STX8: variants seen among roughly 807,000 people sequenced by gnomAD.
STX8 encodes the protein syntaxin 8, also known as syntaxin-8.
Under a neutral mutation model 37.5 loss-of-function variants are expected in STX8, and 23 were observed. The ratio of observed to expected loss-of-function variants is 0.61; its 90% CI spans 0.44 to 0.87. STX8 has a LOEUF of 0.87. Among genes scored for constraint, STX8 ranks in the 40% least tolerant of loss-of-function variants. STX8 has a pLI of 0.00. For synonymous variants in STX8, 115 were observed against 99.1 expected, an observed-to-expected ratio of 1.16 and a Z score of -0.95; for missense variants, 313 against 284.7, an observed-to-expected ratio of 1.10 and a Z score of -0.71.
chr17:9,451,306 T>C (rs2142402509), intron 6 of STX8, among the ~76,000 whole-genome samples: 1 of 152,300 alleles, frequency 6.6e-6, no homozygotes, highest in South Asian at 2.1e-4. Context: ...TTTCGTCTCA[T>C]CTTTCCATGT....
chr17:9,351,227 G>T lies in STX8; in HGVS notation c.643+27325C>A, dbSNP rs996694926. On this transcript the variant is annotated intron_variant, in intron 7 of 7. Coordinates refer to ENST00000306357, the MANE Select transcript of STX8 (RefSeq NM_004853.3). ...GACGGAGTCTCACACTGTCACCCAG[G>T]CTGGATTGCAATCTCTGCCTCCCAG... 2.8e-5 allele frequency among the ~76,000 whole-genome samples: 4 copies of T among 140,994 alleles called. No individual in the cohort carries two copies. In the Admixed American group the frequency reaches 3.0e-4, roughly 11 times the overall value. The allele number at this position is 140,994 out of a possible 152,430, so 92.5% of individuals were successfully genotyped here.
intron 7 of STX8, among the ~76,000 whole-genome samples, chr17:9,374,677 G>C (rs1386473006): frequency 6.6e-6 from 1 of 152,114 alleles, no homozygotes; most frequent in Non-Finnish European, 1.5e-5. Context: ...TTACTTGGTT[G>C]TTGATCCATA....
chr17:9,392,276 C>T (rs1259136600), intron 6 of STX8, among the ~76,000 whole-genome samples: 1 of 152,142 alleles, frequency 6.6e-6, no homozygotes, highest in Non-Finnish European at 1.5e-5. Context: ...GAAAAGACAA[C>T]AAGATGCCAT....
chr17:9,369,083 G>A (rs1455634661), intron 7 of STX8, among the ~76,000 whole-genome samples: 1 of 152,186 alleles, frequency 6.6e-6, no homozygotes, highest in African/African-American at 2.4e-5. Context: ...ACTGTGCCCA[G>A]TCCTATCTAC....
At chr17:9,301,521 C>T (rs1033997809) in intron 7 of STX8, among the ~76,000 whole-genome samples, 5 of 151,672 alleles carry the variant, frequency 3.3e-5, no homozygotes, top group African/African-American at 1.2e-4. Flanking sequence ...CTCACTCTGT[C>T]GCCCAGGCTG....
intron 7 of STX8, among the ~76,000 whole-genome samples, chr17:9,345,071 T>C (rs187101106): frequency 8.3e-4 from 126 of 152,194 alleles, no homozygotes; most frequent in Non-Finnish European, 1.7e-3. Context: ...GACGAGGGGC[T>C]GAAGAGCAAG....
intron 6 of STX8, among the ~76,000 whole-genome samples, chr17:9,491,435 G>C (rs2142475907): frequency 6.6e-6 from 1 of 151,480 alleles, no homozygotes; most frequent in East Asian, 1.9e-4. Context: ...ACCCTTTTTT[G>C]CCCTGAAGCC....
intron 6 of STX8, among the ~76,000 whole-genome samples, chr17:9,441,572 C>G (rs149626223): frequency 6.6e-6 from 1 of 151,728 alleles, no homozygotes; most frequent in African/African-American, 2.4e-5. Flanking sequence ...TCATTCTTTT[C>G]TGACTGCTAC....
intron 7 of STX8, among the ~76,000 whole-genome samples, chr17:9,336,348 C>T (rs1424744576): frequency 1.3e-5 from 2 of 151,806 alleles, no homozygotes; most frequent in African/African-American, 4.8e-5. Context: ...ATAGACAATA[C>T]TTTAGATTTC....
intron 5 of STX8, among the ~76,000 whole-genome samples, chr17:9,503,189 A>G (rs1310973296): frequency 6.6e-6 from 1 of 152,012 alleles, no homozygotes; most frequent in Non-Finnish European, 1.5e-5. Context: ...GCTTAGACAA[A>G]GAAGCCAGAG....
At chr17:9,264,805 G>A (rs559120750) in intron 7 of STX8, among the ~76,000 whole-genome samples, 65 of 152,138 alleles carry the variant, frequency 4.3e-4, no homozygotes, top group Admixed American at 1.6e-3. Context: ...TAGTAACTTC[G>A]GAAAGTAAAG....
intron 7 of STX8, among the ~76,000 whole-genome samples, chr17:9,291,951 C>G (rs1228214578): frequency 6.6e-6 from 1 of 152,106 alleles, no homozygotes; most frequent in Admixed American, 6.5e-5. Context: ...GTGTTGTTTC[C>G]AAGGAAAAGT....
intron 7 of STX8, among the ~76,000 whole-genome samples, chr17:9,376,813 T>A (rs1257718701): frequency 1.3e-5 from 2 of 152,062 alleles, no homozygotes; most frequent in South Asian, 4.2e-4. Context: ...ACTGCGAGGG[T>A]CCACAGCTTC....
chr17:9,296,906 C>CT (rs1908573201), intron 7 of STX8, among the ~76,000 whole-genome samples: 1 of 152,118 alleles, frequency 6.6e-6, no homozygotes, highest in Non-Finnish European at 1.5e-5. Flanking sequence ...CTCTGGGCCT[C>CT]ATCTCATTAT....
At chr17:9,385,673 A>G (rs1172981159) in intron 6 of STX8, among the ~76,000 whole-genome samples, 3 of 152,224 alleles carry the variant, frequency 2.0e-5, no homozygotes, top group Non-Finnish European at 4.4e-5. Flanking sequence ...TTGTTGGGGG[A>G]AAATATGGCA....
At chr17:9,365,937 A>G (rs1911216007) in intron 7 of STX8, among the ~76,000 whole-genome samples, 1 of 152,086 alleles carries the variant, frequency 6.6e-6, no homozygotes, top group Non-Finnish European at 1.5e-5. Context: ...CACACTATTG[A>G]TCTCCAGCCT....
chr17:9,367,845 C>T (rs1367573673), intron 7 of STX8, among the ~76,000 whole-genome samples: 2 of 152,290 alleles, frequency 1.3e-5, no homozygotes, highest in African/African-American at 4.8e-5. Context: ...ATTCTCCTGC[C>T]TCAGCCTCCC....
At chr17:9,398,160 A>G (rs1434373812) in intron 6 of STX8, among the ~76,000 whole-genome samples, 1 of 152,188 alleles carries the variant, frequency 6.6e-6, no homozygotes, top group Non-Finnish European at 1.5e-5. Flanking sequence ...TTCAAAGAAC[A>G]GTGTGGAAAT....
intron 7 of STX8, among the ~76,000 whole-genome samples, chr17:9,342,948 GAGGCGGAGGTTGC>G (rs1910414390): frequency 6.6e-6 from 1 of 151,568 alleles, no homozygotes; most frequent in South Asian, 2.1e-4. Context: ...CTGAACCCGG[GAGGCGGAGGTTGC>G]AGTGAGCCAA....
Sources: allele counts gnomAD v4.1 joint callset (sites outside exome capture counted in the v4.1 genomes callset), GRCh38; gene constraint gnomAD v4.1.1; transcripts MANE v1.5; gene names NCBI Gene and HGNC (gene_info 2026-07-23, HGNC 2026-07-21).